CSTPP1: variants seen among roughly 807,000 people sequenced by gnomAD.
CSTPP1 encodes the protein centriolar satellite-associated tubulin polyglutamylase complex regulator 1.
the CSTPP1 span, among the ~76,000 whole-genome samples, chr11:46,957,188 G>C: frequency 6.6e-6 from 1 of 152,060 alleles, no homozygotes; most frequent in African/African-American, 2.4e-5. Context: ...TGGTCCCCCT[G>C]CTTCAGTCTG....
the CSTPP1 span, among the ~76,000 whole-genome samples, chr11:47,082,362 A>T: frequency 6.6e-6 from 1 of 152,128 alleles, no homozygotes; most frequent in Non-Finnish European, 1.5e-5. Context: ...ACAAAAGATT[A>T]ACAACAAACA....
At chr11:47,044,486 A>G in the CSTPP1 span, among the ~76,000 whole-genome samples, 4 of 152,200 alleles carry the variant, frequency 2.6e-5, no homozygotes, top group Non-Finnish European at 5.9e-5. Context: ...CTGAACAGAC[A>G]GAATAGAGAA....
the CSTPP1 span, among the ~76,000 whole-genome samples, chr11:47,031,427 C>G: frequency 1.3e-5 from 2 of 152,154 alleles, no homozygotes; most frequent in Admixed American, 6.5e-5. Context: ...CATGGTGGCT[C>G]ACGTCTGTAA....
the CSTPP1 span, among the ~76,000 whole-genome samples, chr11:47,026,772 G>C: frequency 2.0e-5 from 3 of 152,050 alleles, no homozygotes; most frequent in Non-Finnish European, 4.4e-5. Flanking sequence ...CAGCTACTCG[G>C]GTGGCTGAGG....
the CSTPP1 span, among the ~76,000 whole-genome samples, chr11:47,099,883 A>C: frequency 6.6e-6 from 1 of 152,312 alleles, no homozygotes; most frequent in African/African-American, 2.4e-5. Flanking sequence ...ATTTCTCCTC[A>C]CTGCCCTTTC....
the CSTPP1 span, among the ~76,000 whole-genome samples, chr11:47,059,919 C>T: frequency 0.078 from 11,908 of 152,050 alleles, 487 homozygotes; most frequent in Non-Finnish European, 0.089. Flanking sequence ...GCCTGGCCAA[C>T]ATGGTGAAAT....
the CSTPP1 span, among the ~76,000 whole-genome samples, chr11:47,030,879 T>C: frequency 1.3e-5 from 2 of 152,206 alleles, no homozygotes; most frequent in African/African-American, 4.8e-5. Flanking sequence ...TGCAGACTAT[T>C]CCATAGTGTG....
the CSTPP1 span, among the ~76,000 whole-genome samples, chr11:47,038,139 GC>G: frequency 0.91 from 42,103 of 46,420 alleles, 19,303 homozygotes; most frequent in Middle Eastern, 0.97. Context: ...GGGGCGGCTG[GC>G]CCGGGCGGGG....
At chr11:47,052,863 A>G in the CSTPP1 span, 3 of 169,964 alleles carry the variant, frequency 1.8e-5, no homozygotes, top group African/African-American at 7.2e-5. Context: ...TAACTAATGA[A>G]ACTGAGGATC....
the CSTPP1 span, among the ~76,000 whole-genome samples, chr11:47,086,589 G>C: frequency 6.6e-6 from 1 of 151,992 alleles, no homozygotes; most frequent in Non-Finnish European, 1.5e-5. Context: ...AAAGGAATAG[G>C]AAAAGATTCC....
chr11:47,013,850 C>A, the CSTPP1 span, among the ~76,000 whole-genome samples: 1 of 152,172 alleles, frequency 6.6e-6, no homozygotes, highest in Non-Finnish European at 1.5e-5. Flanking sequence ...TTTACATTCC[C>A]ACCAACAGTG....
At chr11:47,146,365 CAAAA>C in the CSTPP1 span, among the ~76,000 whole-genome samples, 3 of 73,832 alleles carry the variant, frequency 4.1e-5, no homozygotes, top group Non-Finnish European at 2.8e-5. Context: ...AACTCTGTCT[CAAAA>C]AAAAAAAAAA....
At chr11:47,023,604 T>A in the CSTPP1 span, among the ~76,000 whole-genome samples, 1 of 152,204 alleles carries the variant, frequency 6.6e-6, no homozygotes, top group Non-Finnish European at 1.5e-5. Flanking sequence ...ACTTGCCAAC[T>A]TCCCATTCCT....
the CSTPP1 span, among the ~76,000 whole-genome samples, chr11:46,976,778 A>T: frequency 3.3e-5 from 5 of 152,046 alleles, no homozygotes; most frequent in Non-Finnish European, 7.4e-5. Context: ...AGTATACCAA[A>T]ATCTGTGCAT....
chr11:47,119,922 TTAA>T, the CSTPP1 span, among the ~76,000 whole-genome samples: 1 of 152,166 alleles, frequency 6.6e-6, no homozygotes, highest in Non-Finnish European at 1.5e-5. Context: ...TATCCCCATC[TTAA>T]TGATGATGGA....
the CSTPP1 span, among the ~76,000 whole-genome samples, chr11:46,956,426 A>T: frequency 6.6e-6 from 1 of 152,236 alleles, no homozygotes; most frequent in Non-Finnish European, 1.5e-5. Context: ...CCAATACATT[A>T]TATTTACACA....
At chr11:47,068,818 T>C in the CSTPP1 span, among the ~76,000 whole-genome samples, 1 of 152,218 alleles carries the variant, frequency 6.6e-6, no homozygotes, top group Non-Finnish European at 1.5e-5. Context: ...TGACAACATC[T>C]GTCTTCTCAT....
the CSTPP1 span, among the ~76,000 whole-genome samples, chr11:47,157,434 A>G: frequency 0.094 from 14,379 of 152,246 alleles, 2,239 homozygotes; most frequent in African/African-American, 0.33. Context: ...AGGCAAGACC[A>G]CTGTAGTTGA....
At chr11:47,122,090 AAATATATAT>A in the CSTPP1 span, among the ~76,000 whole-genome samples, 3 of 91,254 alleles carry the variant, frequency 3.3e-5, no homozygotes, top group Admixed American at 1.2e-4. Flanking sequence ...AAAAAAAAAA[AAATATATAT>A]ATATATATAT....
Sources: allele counts gnomAD v4.1 joint callset (sites outside exome capture counted in the v4.1 genomes callset), GRCh38; gene constraint gnomAD v4.1.1; transcripts MANE v1.5; gene names NCBI Gene and HGNC (gene_info 2026-07-23, HGNC 2026-07-21).